Variants in USP32 observed in about 807,000 individuals in gnomAD.
USP32 encodes the protein ubiquitin carboxyl-terminal hydrolase 32.
USP32 carries 59 observed loss-of-function variants against 204.8 expected under a neutral mutation model. The ratio of observed to expected loss-of-function variants is 0.29; its 90% CI spans 0.23 to 0.36. The LOEUF (loss-of-function observed/expected upper bound fraction) is 0.36, where lower values mean the gene tolerates loss of function less well. USP32 is among the 10% of genes least tolerant of loss of function. The pLI is 1.00. For synonymous variants in USP32, 517 were observed against 678.4 expected, an observed-to-expected ratio of 0.76 and a Z score of 3.70; for missense variants, 1,160 against 1,946.4, an observed-to-expected ratio of 0.60 and a Z score of 7.60.
chr17:60,278,825 T>C (rs907496218), intron 5 of USP32, among the ~76,000 whole-genome samples: 5 of 152,210 alleles, frequency 3.3e-5, no homozygotes, highest in African/African-American at 1.2e-4. Context: ...TACTACAGTA[T>C]AGGGGATGGC....
chr17:60,420,437 G>A (rs1381482985), intron 1 of USP32, among the ~76,000 whole-genome samples: 1 of 152,132 alleles, frequency 6.6e-6, no homozygotes, highest in Admixed American at 6.6e-5. Flanking sequence ...GGAGGCTGAG[G>A]CAAGCAGATC....
At chr17:60,308,366 T>G (rs1434363392) in intron 2 of USP32, among the ~76,000 whole-genome samples, 2 of 152,140 alleles carry the variant, frequency 1.3e-5, no homozygotes, top group Non-Finnish European at 2.9e-5. Flanking sequence ...CCCATCTGTA[T>G]GTTTCCCTAA....
At chr17:60,294,841 G>T in intron 3 of USP32, 40 bp from the exon 4 acceptor site, 2 of 1,384,384 alleles carry the variant, frequency 1.4e-6, no homozygotes, top group South Asian at 2.4e-5. Flanking sequence ...TCTTAACAAA[G>T]ACCAAATATA....
At chr17:60,246,209 T>C (rs1312250985) in intron 11 of USP32, among the ~76,000 whole-genome samples, 1 of 152,076 alleles carries the variant, frequency 6.6e-6, no homozygotes, top group East Asian at 1.9e-4. Context: ...ATAACCATCA[T>C]AATACTCTCT....
chr17:60,370,687 G>A (rs1038217568), intron 1 of USP32, among the ~76,000 whole-genome samples: 3 of 150,144 alleles, frequency 2.0e-5, no homozygotes, highest in African/African-American at 4.9e-5. Context: ...CCTTAAGCCC[G>A]AGAGGTCGAG....
intron 1 of USP32, among the ~76,000 whole-genome samples, chr17:60,349,272 T>C (rs897626803): frequency 1.6e-4 from 24 of 151,032 alleles, no homozygotes; most frequent in Non-Finnish European, 3.2e-4. Context: ...TACTTGGTAA[T>C]ATGTTTTTTA....
intron 26 of USP32, among the ~76,000 whole-genome samples, chr17:60,200,640 A>C (rs1447794771): frequency 1.3e-5 from 2 of 152,196 alleles, no homozygotes; most frequent in East Asian, 3.8e-4. Context: ...AAGAAACAGA[A>C]TATAGCGAAC....
intron 1 of USP32, among the ~76,000 whole-genome samples, chr17:60,391,085 GC>G (rs1417958148): frequency 1.3e-5 from 2 of 152,212 alleles, no homozygotes; most frequent in Non-Finnish European, 2.9e-5. Flanking sequence ...GGGACTGGCA[GC>G]CAGGCCAGTC....
chr17:60,345,197 T>C (rs2088757090), intron 2 of USP32, among the ~76,000 whole-genome samples: 1 of 152,194 alleles, frequency 6.6e-6, no homozygotes, highest in African/African-American at 2.4e-5. Context: ...AGATTAACTT[T>C]CTAAGAATAA....
intron 1 of USP32, among the ~76,000 whole-genome samples, chr17:60,388,648 G>T (rs1294989002): frequency 1.3e-5 from 2 of 152,054 alleles, no homozygotes; most frequent in Admixed American, 1.3e-4. Flanking sequence ...AAGAGTCAAG[G>T]CTTTCCTTGT....
intron 1 of USP32, among the ~76,000 whole-genome samples, chr17:60,397,774 A>G (rs893293834): frequency 6.6e-6 from 1 of 151,996 alleles, no homozygotes; most frequent in Non-Finnish European, 1.5e-5. Flanking sequence ...ATCAATAACT[A>G]TTATCCTGAT....
At chr17:60,361,183 A>G (rs1193210381) in intron 1 of USP32, among the ~76,000 whole-genome samples, 3 of 152,098 alleles carry the variant, frequency 2.0e-5, no homozygotes, top group African/African-American at 7.2e-5. Flanking sequence ...TAAACATACC[A>G]CTACCATAAA....
intron 1 of USP32, among the ~76,000 whole-genome samples, chr17:60,359,056 G>C (rs1166954012): frequency 6.6e-6 from 1 of 152,150 alleles, no homozygotes; most frequent in African/African-American, 2.4e-5. Flanking sequence ...TGTCCTTGCA[G>C]TGTCCTCTGC....
intron 26 of USP32, among the ~76,000 whole-genome samples, chr17:60,201,254 A>T (rs922833296): frequency 6.6e-6 from 1 of 152,134 alleles, no homozygotes; most frequent in Non-Finnish European, 1.5e-5. Context: ...TCATTCCTGT[A>T]TAATGTTCCA....
intron 4 of USP32, among the ~76,000 whole-genome samples, chr17:60,294,119 T>C (rs2087361741): frequency 4.6e-5 from 7 of 152,194 alleles, no homozygotes; most frequent in Admixed American, 4.6e-4. Flanking sequence ...TTGTCCAGGC[T>C]GGTCTTGAAC....
intron 1 of USP32, among the ~76,000 whole-genome samples, chr17:60,357,767 T>G (rs1194234546): frequency 1.3e-5 from 2 of 152,078 alleles, no homozygotes; most frequent in Non-Finnish European, 2.9e-5. Context: ...CATTGGCATT[T>G]AGATACTTTT....
chr17:60,409,279 C>A (rs987695616), intron 1 of USP32, among the ~76,000 whole-genome samples: 2 of 152,154 alleles, frequency 1.3e-5, no homozygotes, highest in South Asian at 4.1e-4. Flanking sequence ...ACCTAGGAGG[C>A]GGAGGTTGCA....
At chr17:60,223,823 C>T (rs1163818573) in intron 13 of USP32, among the ~76,000 whole-genome samples, 9 of 152,144 alleles carry the variant, frequency 5.9e-5, no homozygotes, top group African/African-American at 2.2e-4. Context: ...GGCCACCCTC[C>T]TAGAATATCT....
intron 2 of USP32, among the ~76,000 whole-genome samples, chr17:60,331,535 C>CA (rs1238792574): frequency 1.0e-4 from 15 of 149,542 alleles, no homozygotes; most frequent in Non-Finnish European, 1.8e-4. Flanking sequence ...CACTGTACTC[C>CA]AGCCTGGCCA....
Sources: gnomAD v4.1 joint callset for allele counts (sites outside exome capture counted in the v4.1 genomes callset) on GRCh38, gnomAD v4.1.1 for gene constraint, MANE v1.5 for transcripts, NCBI Gene and HGNC (gene_info 2026-07-23, HGNC 2026-07-21) for gene names.